The following RIN2 variants were observed in gnomAD, a reference collection of about 807,000 sequenced individuals.
The protein encoded by RIN2 is RAB5 interacting protein 2.
A neutral mutation model predicts 78.0 loss-of-function variants in RIN2; 36 were observed. The ratio of observed to expected loss-of-function variants is 0.46; its 90% CI spans 0.35 to 0.61. The LOEUF (loss-of-function observed/expected upper bound fraction) is 0.61, where lower values mean the gene tolerates loss of function less well. RIN2 is among the 20% of genes least tolerant of loss of function. The pLI, the probability that RIN2 is intolerant of heterozygous loss-of-function variation, is 0.00. For missense variants in RIN2, 1,087 were observed against 1,159.7 expected, an observed-to-expected ratio of 0.94 and a Z score of 0.91; for synonymous variants, 466 against 466.8, an observed-to-expected ratio of 1.00 and a Z score of 0.02.
intron 1 of RIN2, among the ~76,000 whole-genome samples, chr20:19,794,699 T>G (rs1459967232): frequency 1.3e-5 from 2 of 152,184 alleles, no homozygotes; most frequent in Admixed American, 6.5e-5. Flanking sequence ...CTAGTTGTAT[T>G]TCATTTTCTT....
chr20:19,832,115 G>A (rs186737892), intron 2 of RIN2, among the ~76,000 whole-genome samples: 11 of 151,926 alleles, frequency 7.2e-5, no homozygotes, highest in Admixed American at 5.2e-4. Flanking sequence ...TAAAGGGGAC[G>A]TGACTGGCCG....
intron 2 of RIN2, among the ~76,000 whole-genome samples, chr20:19,807,930 G>T (rs1168357323): frequency 6.6e-6 from 1 of 152,192 alleles, no homozygotes; most frequent in Non-Finnish European, 1.5e-5. Context: ...GAAAAGACTT[G>T]CAGTTTTATG....
intron 7 of RIN2, among the ~76,000 whole-genome samples, chr20:19,969,682 T>C (rs905448364): frequency 6.6e-6 from 1 of 152,212 alleles, no homozygotes; most frequent in African/African-American, 2.4e-5. Flanking sequence ...ATGCAATGTC[T>C]GGCACATTGC....
At chr20:19,986,600 A>G (rs1053425798) in intron 9 of RIN2, among the ~76,000 whole-genome samples, 8 of 152,154 alleles carry the variant, frequency 5.3e-5, no homozygotes, top group Admixed American at 3.3e-4. Context: ...GAGTTGCTCA[A>G]GGGAGCCTGT....
chr20:19,764,111 G>C (rs181810979), intron 1 of RIN2, among the ~76,000 whole-genome samples: 62 of 152,134 alleles, frequency 4.1e-4, no homozygotes, highest in Non-Finnish European at 5.9e-5. Context: ...TGGATAAAGA[G>C]ACTTTTTGTT....
At chr20:19,859,041 T>C (rs1600639546) in intron 2 of RIN2, among the ~76,000 whole-genome samples, 2 of 152,368 alleles carry the variant, frequency 1.3e-5, no homozygotes, top group South Asian at 2.1e-4. Context: ...CTGGAGTCCA[T>C]AGGGCTTTCT....
intron 2 of RIN2, among the ~76,000 whole-genome samples, chr20:19,873,158 T>C (rs756214112): frequency 3.9e-5 from 6 of 152,046 alleles, no homozygotes; most frequent in Non-Finnish European, 5.9e-5. Flanking sequence ...AGAGTCTTGC[T>C]CTATCACCCA....
At chr20:19,899,604 G>C (rs1468642126) in intron 3 of RIN2, among the ~76,000 whole-genome samples, 2 of 152,094 alleles carry the variant, frequency 1.3e-5, no homozygotes, top group African/African-American at 2.4e-5. Context: ...TGGTGGCCAG[G>C]GTCATAGTCT....
At chr20:19,935,398 G>A in intron 4 of RIN2, 199 bp downstream of exon 4, 1 of 1,326,990 alleles carries the variant, frequency 7.5e-7, no homozygotes, top group South Asian at 2.3e-5. Flanking sequence ...CACTTTGAAG[G>A]CACTTGAACT....
intron 4 of RIN2, among the ~76,000 whole-genome samples, chr20:19,944,319 G>A (rs1157714221): frequency 2.0e-5 from 3 of 152,000 alleles, no homozygotes; most frequent in Admixed American, 6.6e-5. Flanking sequence ...TCCCAACCCC[G>A]CTAAGTCCTG....
chr20:19,989,804 G>A (rs573953714), intron 9 of RIN2, among the ~76,000 whole-genome samples: 3 of 152,250 alleles, frequency 2.0e-5, no homozygotes, highest in Admixed American at 6.5e-5. Context: ...GGGAAGATTC[G>A]GTCTTCCTGG....
chr20:19,763,887 C>T (rs1054514949), intron 1 of RIN2, among the ~76,000 whole-genome samples: 12 of 152,110 alleles, frequency 7.9e-5, no homozygotes, highest in Non-Finnish European at 1.0e-4. Context: ...AAATGAGAAA[C>T]GGATTCGGGA....
intron 7 of RIN2, among the ~76,000 whole-genome samples, chr20:19,966,004 C>CA (rs904285589): frequency 3.3e-5 from 5 of 152,100 alleles, no homozygotes; most frequent in African/African-American, 1.2e-4. Context: ...CTAGCAATAA[C>CA]AGTTTTTTCA....
intron 2 of RIN2, among the ~76,000 whole-genome samples, chr20:19,831,491 T>C (rs1045453696): frequency 1.3e-5 from 2 of 152,226 alleles, no homozygotes; most frequent in Admixed American, 1.3e-4. Flanking sequence ...GAGTGTTCAC[T>C]GAAAAATTAT....
At chr20:19,814,418 G>GT (rs2035701417) in intron 2 of RIN2, among the ~76,000 whole-genome samples, 1 of 139,800 alleles carries the variant, frequency 7.2e-6, no homozygotes, top group Non-Finnish European at 1.5e-5. Context: ...ACTCTGCCTT[G>GT]TCACTGATTG....
intron 2 of RIN2, among the ~76,000 whole-genome samples, chr20:19,824,238 C>G (rs77554292): frequency 1.3e-5 from 2 of 152,194 alleles, no homozygotes; most frequent in Non-Finnish European, 2.9e-5. Flanking sequence ...TTTGCTACCA[C>G]GCCTTATCAG....
chr20:19,996,671 C>G lies in RIN2; in HGVS notation c.2201-8C>G. 1 of 1,614,030 alleles carries G rather than the reference C, an allele frequency of 6.2e-7. No individual in the cohort carries two copies. The highest frequency in any genetic ancestry group is 8.5e-7 in the Non-Finnish European group (1 of 1,179,898). On this transcript the variant is annotated splice_polypyrimidine_tract_variant and splice_region_variant and intron_variant, in intron 11 of 12. Coordinates refer to ENST00000255006, the MANE Select transcript of RIN2 (RefSeq NM_018993.4). ...ACTGGGAGGACCCACTCTTTCTGCT[C>G]TTTTCAGGAGGCTATTACTTGACAA...
At chr20:19,882,918 A>G (rs6046404) in intron 2 of RIN2, among the ~76,000 whole-genome samples, 105,071 of 152,100 alleles carry the variant, frequency 0.69, 36,462 homozygotes, top group Non-Finnish European at 0.73. Context: ...TGAATGCATA[A>G]CATACGGGTT....
intron 12 of RIN2, among the ~76,000 whole-genome samples, chr20:19,998,679 G>T (rs1323099795): frequency 6.6e-6 from 1 of 152,150 alleles, no homozygotes; most frequent in Non-Finnish European, 1.5e-5. Flanking sequence ...CTCCATGATT[G>T]CAGTATGCTC....
Sources: gnomAD v4.1 joint callset for allele counts (sites outside exome capture counted in the v4.1 genomes callset) on GRCh38, gnomAD v4.1.1 for gene constraint, MANE v1.5 for transcripts, NCBI Gene and HGNC (gene_info 2026-07-23, HGNC 2026-07-21) for gene names.